SLC7A14: variants seen among roughly 807,000 people sequenced by gnomAD.
The protein encoded by SLC7A14 is gamma-aminobutyric acid transporter SLC7A14.
Under a neutral mutation model 60.2 loss-of-function variants are expected in SLC7A14, and 37 were observed. The ratio of observed to expected loss-of-function variants is 0.61; its 90% CI spans 0.47 to 0.81. The LOEUF is 0.81. SLC7A14 is among the 30% of genes least tolerant of loss of function. SLC7A14 has a pLI of 0.00. For missense variants in SLC7A14, 886 were observed against 982.7 expected (o/e 0.90, Z 1.32); for synonymous variants, 399 against 395.8 (o/e 1.01, Z -0.10).
At chr3:170,581,614 A>G (rs1200946019) in intron 1 of SLC7A14, among the ~76,000 whole-genome samples, 2 of 152,194 alleles carry the variant, frequency 1.3e-5, no homozygotes, top group Non-Finnish European at 2.9e-5. Context: ...ATACAGTCAT[A>G]TCAGATTAAA....
intron 1 of SLC7A14, among the ~76,000 whole-genome samples, chr3:170,567,474 T>G (rs1027995179): frequency 2.6e-5 from 4 of 151,912 alleles, no homozygotes; most frequent in Non-Finnish European, 4.4e-5. Flanking sequence ...AACATACGTG[T>G]GCATGTGTCT....
chr3:170,547,594 T>C (rs553920708), intron 1 of SLC7A14, among the ~76,000 whole-genome samples: 9 of 152,336 alleles, frequency 5.9e-5, no homozygotes, highest in African/African-American at 2.2e-4. Flanking sequence ...ATAAATATTT[T>C]CATCTTCATA....
At chr3:170,551,288 C>T (rs1714343530) in intron 1 of SLC7A14, among the ~76,000 whole-genome samples, 1 of 152,194 alleles carries the variant, frequency 6.6e-6, no homozygotes, top group Admixed American at 6.5e-5. Context: ...TTTGTTCACT[C>T]ATTCATAGTA....
intron 2 of SLC7A14, among the ~76,000 whole-genome samples, chr3:170,509,268 G>A (rs988665684): frequency 3.3e-5 from 5 of 152,148 alleles, no homozygotes; most frequent in East Asian, 1.9e-4. Flanking sequence ...CCAAGCAGGC[G>A]CCAGGTGGAC....
intron 1 of SLC7A14, among the ~76,000 whole-genome samples, chr3:170,566,454 T>C (rs1015826362): frequency 3.9e-5 from 6 of 151,996 alleles, no homozygotes; most frequent in African/African-American, 1.2e-4. Flanking sequence ...ATAGCAAAAA[T>C]GGGCCCTGAT....
rs527548307 is a variant in SLC7A14, at chr3:170,489,911, CAG to C, written c.760-3545_760-3544del. Among the ~76,000 whole-genome samples, 9 of 137,164 alleles carry C rather than the reference CAG, an allele frequency of 6.6e-5. No homozygotes were observed. In the South Asian group the frequency reaches 2.0e-3, roughly 31 times the overall value. 90.0% of individuals were successfully genotyped at this position (137,164 alleles called of 152,430 possible). A position where few individuals can be genotyped will look rare whatever the true frequency, so the allele number is the denominator to read the frequency against. The stretch of plus-strand genomic sequence containing the variant: ...ATAAAAACAATTGAACTCATGGACA[CAG>C]AGAGTAGAAGGATGGTTATCAGAGG... On this transcript the variant is annotated intron_variant, in intron 4 of 7. Coordinates refer to ENST00000231706, the MANE Select transcript of SLC7A14 (RefSeq NM_020949.3).
chr3:170,485,159 C>T (rs1486184622), intron 5 of SLC7A14, among the ~76,000 whole-genome samples: 3 of 152,100 alleles, frequency 2.0e-5, no homozygotes. Context: ...GATGAAACCC[C>T]TTGCATGTGT....
intron 7 of SLC7A14, among the ~76,000 whole-genome samples, chr3:170,478,359 T>G: frequency 6.6e-6 from 1 of 152,328 alleles, no homozygotes; most frequent in African/African-American, 2.4e-5. Context: ...ATTATAGACG[T>G]GAGCCACTAT....
At chr3:170,560,218 A>G (rs1455697627) in intron 1 of SLC7A14, among the ~76,000 whole-genome samples, 1 of 152,204 alleles carries the variant, frequency 6.6e-6, no homozygotes, top group Non-Finnish European at 1.5e-5. Flanking sequence ...TTCTGTCAGC[A>G]GAGTGGTAAG....
chr3:170,478,627 C>T (rs1445498755), intron 7 of SLC7A14, among the ~76,000 whole-genome samples: 1 of 152,136 alleles, frequency 6.6e-6, no homozygotes, highest in Non-Finnish European at 1.5e-5. Flanking sequence ...CTTATAGGGC[C>T]ACTTTGTATT....
In SLC7A14 at chr3:170,480,734, C is replaced by G. The variant is rs115446306; in HGVS notation, c.1548G>C (p.Met516Ile). The change falls in exon 7 of 8, where the codon ATG becomes ATC. Residue 516 changes from methionine (M) to isoleucine (I), a missense_variant. By Grantham distance (10) the Met-to-Ile change is conservative. Coordinates refer to ENST00000231706, the MANE Select transcript of SLC7A14 (RefSeq NM_020949.3). ...VNHPNYGTVD[M>I]TTGIEADESE... is the part of the protein sequence containing the mutation. Reference sequence around the variant, plus strand: ...ATTCATCAGCTTCTATGCCTGTGGTCATGTCCACGGTGCCGTAATTGGGGT... The same window carrying G: ...ATTCATCAGCTTCTATGCCTGTGGTGATGTCCACGGTGCCGTAATTGGGGT... 2.2e-5 allele frequency: 35 copies of G among 1,614,188 alleles called. No individual in the cohort carries two copies. The African/African-American group carries it at 4.0e-4, about 18-fold the overall frequency.
At chr3:170,471,339 A>G (rs1053306166) in intron 7 of SLC7A14, among the ~76,000 whole-genome samples, 3 of 152,294 alleles carry the variant, frequency 2.0e-5, no homozygotes, top group Admixed American at 6.5e-5. Context: ...AAGAACATAT[A>G]CAAAAGTGGA....
In SLC7A14 at chr3:170,553,849, C is replaced by CT. The variant is rs3077204; in HGVS notation, c.-152-26762dup. Among the ~76,000 whole-genome samples, 649 of 143,106 alleles carry CT rather than the reference C, an allele frequency of 4.5e-3. 3 individuals carry two copies. Among genetic ancestry groups the CT allele is most frequent in the African/African-American group, 0.012 (466 of 38,804 alleles). The allele number at this position is 143,106 out of a possible 152,430, so 93.9% of individuals were successfully genotyped here. A position where few individuals can be genotyped will look rare whatever the true frequency, so the allele number is the denominator to read the frequency against. ...GGTGCCCCAGCCACCGTTAAAAAAA[C>CT]TTTTTTTTTTTTTGGCATGGTTTGA... On this transcript the variant is annotated intron_variant, in intron 1 of 7. Coordinates refer to ENST00000231706, the MANE Select transcript of SLC7A14 (RefSeq NM_020949.3).
At chr3:170,531,745 A>G (rs1411524838) in intron 1 of SLC7A14, among the ~76,000 whole-genome samples, 1 of 152,230 alleles carries the variant, frequency 6.6e-6, no homozygotes, top group Non-Finnish European at 1.5e-5. Context: ...GATGAGCAAT[A>G]AATGTGTGTT....
chr3:170,472,735 C>T (rs1034324773), intron 7 of SLC7A14, among the ~76,000 whole-genome samples: 6 of 151,208 alleles, frequency 4.0e-5, no homozygotes, highest in African/African-American at 1.2e-4. Context: ...CCACTGCACT[C>T]CAGCCTGGGT....
rs768753475 is a variant in SLC7A14, at chr3:170,480,274, A to G, written c.1993+15T>C. The G allele has an allele frequency of 1.4e-5, 22 of 1,518,708 alleles. 1 individual carries two copies. The South Asian group carries it at 2.3e-4, about 16-fold the overall frequency. 94.1% of individuals were successfully genotyped at this position (1,518,708 alleles called of 1,614,324 possible). ...TTAAAAGGGAACTCTTAAGGCTCCA[A>G]AGGAAGTTGCTTACCCACAAAGCAC... is the stretch of plus-strand genomic sequence containing the variant. On this transcript the variant is annotated intron_variant, in intron 7 of 7. Transcript: ENST00000231706.
At chr3:170,543,129 G>A (rs1199612860) in intron 1 of SLC7A14, among the ~76,000 whole-genome samples, 2 of 152,204 alleles carry the variant, frequency 1.3e-5, no homozygotes, top group Admixed American at 1.3e-4. Flanking sequence ...TGAGTCACGT[G>A]TGGGGTTGAC....
rs1024926311 is a variant in SLC7A14, at chr3:170,465,941, A to G, written c.*1114T>C. The G allele has an allele frequency of 6.6e-6, 1 of 152,176 alleles. No individual in the cohort carries two copies. Among genetic ancestry groups the G allele is most frequent in the Admixed American group, 6.5e-5 (1 of 15,282 alleles). The allele number at this position is 152,176 out of a possible 1,614,324, so 9.4% of individuals were successfully genotyped here. On this transcript the variant is annotated 3_prime_UTR_variant, in exon 8 of 8. Coordinates refer to ENST00000231706, the MANE Select transcript of SLC7A14 (RefSeq NM_020949.3). ...AAACTACTCTGGGAAATAACAGGAA[A>G]AAAAAATACACCTCTGAAAGTGAGC...
intron 2 of SLC7A14, among the ~76,000 whole-genome samples, chr3:170,516,677 G>A (rs1177564591): frequency 6.6e-6 from 1 of 152,176 alleles, no homozygotes; most frequent in Non-Finnish European, 1.5e-5. Flanking sequence ...TGAATTGGGA[G>A]GATCACTCGG....
Sources: gnomAD v4.1 joint callset for allele counts (sites outside exome capture counted in the v4.1 genomes callset) on GRCh38, gnomAD v4.1.1 for gene constraint, MANE v1.5 for transcripts, NCBI Gene and HGNC (gene_info 2026-07-23, HGNC 2026-07-21) for gene names.